Variants in NKX3-2 observed in about 807,000 individuals in gnomAD.
NKX3-2 encodes NK3 homeobox 2.
Under a neutral mutation model 19.4 loss-of-function variants are expected in NKX3-2, and 13 were observed. The ratio of observed to expected loss-of-function variants is 0.67; its 90% CI spans 0.44 to 1.07. The LOEUF is 1.07. Among genes scored for constraint, NKX3-2 ranks in the 50% least tolerant of loss-of-function variants. NKX3-2 has a pLI of 0.00. For synonymous variants in NKX3-2, 269 were observed against 230.5 expected (o/e 1.17, Z -1.51); for missense variants, 562 against 488.2 (o/e 1.15, Z -1.42).
chr4:13,547,216 A>C (rs1370272115), upstream of NKX3-2: 1 of 456,306 alleles, frequency 2.2e-6, no homozygotes. Context: ...CCAGGCCCAG[A>C]GTGGCGGTGT....
rs1718074798 is a variant in NKX3-2 at position 13,544,405 on chromosome 4, G to C, written c.10C>G (p.Arg4Gly). MAV[R>G]GANTLTSFSI... ...AAGGACGTCAAGGTGTTGGCGCCGCGCACAGCCATCTGCGCCGCGGGCAGG... is the reference window on the plus strand; with the variant it reads ...AAGGACGTCAAGGTGTTGGCGCCGCCCACAGCCATCTGCGCCGCGGGCAGG... The change falls in exon 1 of 2, where the codon CGC (arginine) becomes GGC (glycine). Residue 4 changes from arginine (R) to glycine (G), a missense_variant. Arg to Gly is a moderately radical substitution (Grantham distance 125). Transcript: ENST00000382438. 6.5e-7 allele frequency: 1 copy of C among 1,532,078 alleles called. No homozygotes were observed. The highest frequency in any genetic ancestry group is 8.7e-7 in the Non-Finnish European group (1 of 1,149,506). 94.9% of individuals were successfully genotyped at this position (1,532,078 alleles called of 1,614,324 possible). A position where few individuals can be genotyped will look rare whatever the true frequency, so the allele number is the denominator to read the frequency against.
upstream of NKX3-2, chr4:13,546,462 C>CA (rs1718135404): frequency 1.1e-5 from 2 of 182,790 alleles, no homozygotes; most frequent in South Asian, 2.3e-4. Context: ...TACAGTCTTT[C>CA]AAAAACAGTG....
upstream of NKX3-2, among the ~76,000 whole-genome samples, chr4:13,545,808 G>T (rs1718120940): frequency 6.6e-6 from 1 of 151,928 alleles, no homozygotes; most frequent in South Asian, 2.1e-4. Context: ...AAATAGATAT[G>T]TTTGTTTGCT....
At position 13,541,835 on chromosome 4, in the gene NKX3-2, C is replaced by T; in HGVS notation, c.*158G>A. The T allele has an allele frequency of 8.5e-7, 1 of 1,180,068 alleles. No homozygotes were observed. Among genetic ancestry groups the T allele is most frequent in the Non-Finnish European group, 1.2e-6 (1 of 850,148 alleles). The allele number at this position is 1,180,068 out of a possible 1,614,324, so 73.1% of individuals were successfully genotyped here. A position where few individuals can be genotyped will look rare whatever the true frequency, so the allele number is the denominator to read the frequency against. On this transcript the variant is annotated 3_prime_UTR_variant, in exon 2 of 2. Coordinates refer to ENST00000382438, the MANE Select transcript of NKX3-2 (RefSeq NM_001189.4). Reference sequence around the variant, plus strand: ...CCCCCTCAGGGCAGACTCAGCCCAGCTGCCAGGGGACAAGTCCTGGCTAAC... The same window carrying T: ...CCCCCTCAGGGCAGACTCAGCCCAGTTGCCAGGGGACAAGTCCTGGCTAAC...
At position 13,544,287 on chromosome 4, in the gene NKX3-2, A is replaced by C. The variant is rs1718070207; in HGVS notation, c.128T>G (p.Val43Gly). 6.5e-7 allele frequency: 1 copy of C among 1,544,026 alleles called. No individual in the cohort carries two copies. The highest frequency in any genetic ancestry group is 8.7e-7 in the Non-Finnish European group (1 of 1,152,762). Residue 43 changes from valine to glycine, a missense_variant, in exon 1 of 2, where the codon GTG (valine) becomes GGG (glycine). Val to Gly is a moderately radical substitution (Grantham distance 109). Coordinates refer to ENST00000382438, the MANE Select transcript of NKX3-2 (RefSeq NM_001189.4). ...ACAGCAGACAGCGGGAGCCGCGGCC[A>C]CCGATGCCGCTGTGCCCCCGGGCGC... ...RPAPGGTAAS[V>G]AAAPAVCCWR...
At position 13,542,545 on chromosome 4, in the gene NKX3-2, G is replaced by A. The variant is rs761416237; in HGVS notation, c.467-17C>T. 1.7e-5 allele frequency: 27 copies of A among 1,596,190 alleles called. No individual in the cohort carries two copies. The highest frequency in any genetic ancestry group is 2.1e-5 in the Non-Finnish European group (25 of 1,179,614). ...TGCGGTCGCCTGCGGACCCCGGTGG[G>A]AACAGAAACAAGAGACTGTCAGCGC... On this transcript the variant is annotated splice_polypyrimidine_tract_variant and intron_variant, in intron 1 of 1. Coordinates refer to ENST00000382438, the MANE Select transcript of NKX3-2 (RefSeq NM_001189.4). The surrounding 1 kb of genome is among the most constrained non-coding windows in gnomAD (Gnocchi z 6.4).
In NKX3-2 at chr4:13,544,368, G is replaced by A; in HGVS notation, c.47C>T (p.Ala16Val). The change falls in exon 1 of 2, where the codon GCG (alanine) becomes GTG (valine). Residue 16 changes from alanine to valine, a missense_variant. Physicochemically the swap from Ala to Val is moderately conservative, Grantham distance 64. Coordinates refer to ENST00000382438, the MANE Select transcript of NKX3-2 (RefSeq NM_001189.4). ...ANTLTSFSIQ[A>V]ILNKKEERGG... The stretch of plus-strand genomic sequence containing the variant: ...GCGCTCCTCTTTCTTGTTGAGGATC[G>A]CCTGGATGGAGAAGGACGTCAAGGT... The A allele has an allele frequency of 6.4e-7, 1 of 1,550,638 alleles. No homozygotes were observed. The highest frequency in any genetic ancestry group is 8.6e-7 in the Non-Finnish European group (1 of 1,157,748).
rs924676128 is a variant in NKX3-2, at chr4:13,544,505, G to C, written c.-91C>G. On this transcript the variant is annotated 5_prime_UTR_variant, in exon 1 of 2. Transcript: ENST00000382438. ...CAGAGAGCGCCGGCGGCCGCAGCGC[G>C]AGTGAGCTGGGTGTGCGAGGCCGCC... is the stretch of plus-strand genomic sequence containing the variant. The C allele has an allele frequency of 4.4e-5, 41 of 935,508 alleles. No homozygotes were observed. Among genetic ancestry groups the C allele is most frequent in the Non-Finnish European group, 5.2e-5 (37 of 713,376 alleles). The allele number at this position is 935,508 out of a possible 1,614,324, so 58.0% of individuals were successfully genotyped here. A position where few individuals can be genotyped will look rare whatever the true frequency, so the allele number is the denominator to read the frequency against.
chr4:13,543,192 C>G lies in NKX3-2; in HGVS notation c.467-664G>C, dbSNP rs1288697006. ...CCCACACCAGCTTCTCGGTCTCGTACCCGCCCTTCCGAAGAACTCCAGCAG... is the reference window on the plus strand; with the variant it reads ...CCCACACCAGCTTCTCGGTCTCGTAGCCGCCCTTCCGAAGAACTCCAGCAG... On this transcript the variant is annotated intron_variant, in intron 1 of 1. Coordinates refer to ENST00000382438, the MANE Select transcript of NKX3-2 (RefSeq NM_001189.4). This position sits in a 1 kb window ranked among gnomAD's most constrained non-coding sequence, Gnocchi z 7.1. 6.6e-6 allele frequency among the ~76,000 whole-genome samples: 1 copy of G among 152,018 alleles called. No individual in the cohort carries two copies. Among genetic ancestry groups the G allele is most frequent in the African/African-American group, 2.4e-5 (1 of 41,386 alleles).
rs145749128 is a variant in NKX3-2, at chr4:13,541,500, C to T, written c.*493G>A. ...GCCTGGGACTGCCAGGGTTTCGCAC[C>T]CCTTGGTTACAAATGCAATTTCCAA... On this transcript the variant is annotated 3_prime_UTR_variant, in exon 2 of 2. Transcript: ENST00000382438. The T allele has an allele frequency of 0.015, 2,259 of 153,000 alleles. 26 individuals carry two copies. Among genetic ancestry groups the T allele is most frequent in the Non-Finnish European group, 0.022 (1,496 of 68,582 alleles). 9.5% of individuals were successfully genotyped at this position (153,000 alleles called of 1,614,324 possible).
Position 13,541,977 on chromosome 4 carries a change from C to T in NKX3-2, c.*16G>A. On this transcript the variant is annotated 3_prime_UTR_variant, in exon 2 of 2. Transcript: ENST00000382438. ...CCGGAGCGCGGGAATCACTCGCTGC[C>T]TCAGCCCAAGCGGGTTCACTGGGTG... is the stretch of plus-strand genomic sequence containing the variant. 1 of 1,568,426 alleles carries T rather than the reference C, an allele frequency of 6.4e-7. No homozygotes were observed. Among genetic ancestry groups the T allele is most frequent in the South Asian group, 1.2e-5 (1 of 85,322 alleles).
chr4:13,543,820 A>T lies in NKX3-2; in HGVS notation c.466+129T>A, dbSNP rs1247556607. ...AGAGCAGCTCGCGCCAGAGCGCAGA[A>T]CTTCGGGATTTGGCCAGCCTCCGAG... On this transcript the variant is annotated intron_variant, in intron 1 of 1. Transcript: ENST00000382438. This position sits in a 1 kb window ranked among gnomAD's most constrained non-coding sequence, Gnocchi z 7.1. 3 of 850,010 alleles carry T rather than the reference A, an allele frequency of 3.5e-6. No individual in the cohort carries two copies. The highest frequency in any genetic ancestry group is 5.2e-6 in the Non-Finnish European group (3 of 579,912). 52.7% of individuals were successfully genotyped at this position (850,010 alleles called of 1,614,324 possible).
rs1049884805 is a variant in NKX3-2 at position 13,544,507 on chromosome 4, G to A, written c.-93C>T. 2.3e-6 allele frequency: 2 copies of A among 883,838 alleles called. No homozygotes were observed. Among genetic ancestry groups the A allele is most frequent in the Non-Finnish European group, 3.0e-6 (2 of 669,846 alleles). The allele number at this position is 883,838 out of a possible 1,614,324, so 54.7% of individuals were successfully genotyped here. A position where few individuals can be genotyped will look rare whatever the true frequency, so the allele number is the denominator to read the frequency against. ...GAGAGCGCCGGCGGCCGCAGCGCGA[G>A]TGAGCTGGGTGTGCGAGGCCGCCGC... On this transcript the variant is annotated 5_prime_UTR_variant, in exon 1 of 2. Coordinates refer to ENST00000382438, the MANE Select transcript of NKX3-2 (RefSeq NM_001189.4).
Position 13,541,756 on chromosome 4 carries a change from G to A in NKX3-2, c.*237C>T, listed in dbSNP as rs1717989091. The A allele has an allele frequency of 2.0e-6, 1 of 511,804 alleles. No homozygotes were observed. The highest frequency in any genetic ancestry group is 3.4e-6 in the Non-Finnish European group (1 of 293,060). 31.7% of individuals were successfully genotyped at this position (511,804 alleles called of 1,614,324 possible). ...GAGCCCAGGGGCTTCCAGGCAGGTG[G>A]GCGATCAGGGCCCCTAGGCCATAGG... On this transcript the variant is annotated 3_prime_UTR_variant, in exon 2 of 2. Coordinates refer to ENST00000382438, the MANE Select transcript of NKX3-2 (RefSeq NM_001189.4).
At chr4:13,544,685 A>G (rs1334537683), upstream of NKX3-2, 1 of 255,922 alleles carries the variant, frequency 3.9e-6, no homozygotes, top group East Asian at 7.9e-5. Context: ...CAGCTGGATT[A>G]TCTCATCGCT....
chr4:13,543,931 C>A lies in NKX3-2; in HGVS notation c.466+18G>T, dbSNP rs758464634. ...ATCCCCTCAGCCCGGCCCCCATCCC[C>A]GCGAAGCCGCAGCAGACCTGAGACG... On this transcript the variant is annotated intron_variant, in intron 1 of 1. Transcript: ENST00000382438. The surrounding 1 kb of genome is among the most constrained non-coding windows in gnomAD (Gnocchi z 7.1). The A allele has an allele frequency of 2.0e-6, 3 of 1,532,516 alleles. No homozygotes were observed. The highest frequency in any genetic ancestry group is 8.8e-7 in the Non-Finnish European group (1 of 1,141,340). The allele number at this position is 1,532,516 out of a possible 1,614,324, so 94.9% of individuals were successfully genotyped here. A position where few individuals can be genotyped will look rare whatever the true frequency, so the allele number is the denominator to read the frequency against.
At position 13,542,580 on chromosome 4, in the gene NKX3-2, G is replaced by C. The variant is rs1014279609; in HGVS notation, c.467-52C>G. 14 of 1,590,966 alleles carry C rather than the reference G, an allele frequency of 8.8e-6. No homozygotes were observed. Among genetic ancestry groups the C allele is most frequent in the Non-Finnish European group, 1.2e-5 (14 of 1,175,038 alleles). On this transcript the variant is annotated intron_variant, in intron 1 of 1. Transcript: ENST00000382438. The surrounding 1 kb of genome is among the most constrained non-coding windows in gnomAD (Gnocchi z 6.4). ...AAGAGACTGTCAGCGCCACAGACGA[G>C]GTGAGGCCGGGCCTCAACTGCAGGG...
upstream of NKX3-2, chr4:13,544,674 T>G (rs1229008943): frequency 1.9e-5 from 5 of 263,574 alleles, no homozygotes; most frequent in South Asian, 1.8e-4. Context: ...CTTTCGCAGC[T>G]CAGCTGGATT....
Position 13,542,145 on chromosome 4 carries a change from C to T in NKX3-2, c.850G>A (p.Val284Met), listed in dbSNP as rs1267739743. 6.2e-7 allele frequency: 1 copy of T among 1,612,470 alleles called. No homozygotes were observed. Among genetic ancestry groups the T allele is most frequent in the South Asian group, 1.1e-5 (1 of 90,848 alleles). ...APAAKKVAVK[V>M]LVRDDQRQYL... ...TGTCTCTGGTCGTCGCGCACCAGCACCTTTACGGCCACCTTCTTGGCGGCG... is the reference window on the plus strand; with the variant it reads ...TGTCTCTGGTCGTCGCGCACCAGCATCTTTACGGCCACCTTCTTGGCGGCG... The change falls in exon 2 of 2, where the codon GTG (valine) becomes ATG (methionine). Residue 284 changes from valine (V) to methionine (M), a missense_variant. Transcript: ENST00000382438. The surrounding 1 kb of genome is among the most constrained non-coding windows in gnomAD (Gnocchi z 6.4).
Sources: gnomAD v4.1 joint callset for allele counts (sites outside exome capture counted in the v4.1 genomes callset) on GRCh38, gnomAD v4.1.1 for gene constraint, Gnocchi (gnomAD v3.1) non-coding constraint, MANE v1.5 for transcripts, NCBI Gene and HGNC (gene_info 2026-07-23, HGNC 2026-07-21) for gene names.